The following GRIK3 variants were observed in gnomAD, a reference collection of about 807,000 sequenced individuals.
The protein encoded by GRIK3 is glutamate receptor ionotropic, kainate 3.
GRIK3 carries 29 observed loss-of-function variants against 102.5 expected under a neutral mutation model. The ratio of observed to expected loss-of-function variants is 0.28; its 90% CI spans 0.21 to 0.39. The LOEUF (loss-of-function observed/expected upper bound fraction) is 0.39, where lower values mean the gene tolerates loss of function less well. GRIK3 is among the 10% of genes least tolerant of loss of function. GRIK3 has a pLI of 1.00. For synonymous variants in GRIK3, 511 were observed against 504.9 expected, an observed-to-expected ratio of 1.01 and a Z score of -0.16; for missense variants, 908 against 1,252.4, an observed-to-expected ratio of 0.73 and a Z score of 4.15.
In GRIK3 at chr1:36,796,773, C is replaced by T. The variant is rs1039894310; in HGVS notation, c.*5078G>A. On this transcript the variant is annotated 3_prime_UTR_variant, in exon 16 of 16. Transcript: ENST00000373091. ...AGGCTTTTGCTACCTAGAATAGCCC[C>T]GCCTTCTAGGGTATCCTAGATGGAG... is the stretch of plus-strand genomic sequence containing the variant. 1 of 152,126 alleles carries T rather than the reference C, an allele frequency of 6.6e-6. No homozygotes were observed. The highest frequency in any genetic ancestry group is 1.5e-5 in the Non-Finnish European group (1 of 68,036). 9.4% of individuals were successfully genotyped at this position (152,126 alleles called of 1,614,324 possible). A position where few individuals can be genotyped will look rare whatever the true frequency, so the allele number is the denominator to read the frequency against.
At chr1:36,839,239 C>T (rs936386666) in intron 10 of GRIK3, among the ~76,000 whole-genome samples, 4 of 152,182 alleles carry the variant, frequency 2.6e-5, no homozygotes, top group African/African-American at 9.7e-5. Context: ...CCCCAGACTC[C>T]AAGCCCCACT....
intron 1 of GRIK3, among the ~76,000 whole-genome samples, chr1:37,021,402 T>C (rs570614102): frequency 3.9e-5 from 6 of 152,138 alleles, no homozygotes; most frequent in Non-Finnish European, 8.8e-5. Flanking sequence ...AAGATTACCT[T>C]GCTGGCCTGG....
intron 1 of GRIK3, among the ~76,000 whole-genome samples, chr1:36,955,536 C>T (rs1641896337): frequency 6.6e-6 from 1 of 152,186 alleles, no homozygotes; most frequent in Non-Finnish European, 1.5e-5. Flanking sequence ...TACCCCCGCC[C>T]CCGGAGAACA....
Position 36,806,098 on chromosome 1 carries a change from G to C in GRIK3, c.2314+6C>G, listed in dbSNP as rs201557007. ...CCACCCCTCCCACAGGCAGCCCCTC[G>C]CTCACCCATGGGCGTGCCGATGCCG... On this transcript the variant is annotated splice_donor_region_variant and intron_variant, in intron 14 of 15. Transcript: ENST00000373091. This position sits in a 1 kb window ranked among gnomAD's most constrained non-coding sequence, Gnocchi z 4.0. 2 of 1,603,482 alleles carry C rather than the reference G, an allele frequency of 1.2e-6. No homozygotes were observed. Among genetic ancestry groups the C allele is most frequent in the Non-Finnish European group, 1.7e-6 (2 of 1,171,494 alleles).
At chr1:36,823,088 G>C (rs967710802) in intron 11 of GRIK3, among the ~76,000 whole-genome samples, 2 of 152,124 alleles carry the variant, frequency 1.3e-5, no homozygotes, top group Non-Finnish European at 2.9e-5. Context: ...GCTGTGTCCA[G>C]ATCTCCAGCA....
chr1:36,839,952 C>T (rs1232830469), intron 10 of GRIK3, among the ~76,000 whole-genome samples: 1 of 152,190 alleles, frequency 6.6e-6, no homozygotes, highest in African/African-American at 2.4e-5. Flanking sequence ...AACCGAAGTC[C>T]CTGATGCTGT....
At chr1:36,971,994 GA>G in intron 1 of GRIK3, among the ~76,000 whole-genome samples, 1 of 152,308 alleles carries the variant, frequency 6.6e-6, no homozygotes, top group Non-Finnish European at 1.5e-5. Context: ...TCTGTTGTTA[GA>G]AATCCCCTTT....
At chr1:36,843,492 C>G (rs1462809202) in intron 9 of GRIK3, among the ~76,000 whole-genome samples, 2 of 152,198 alleles carry the variant, frequency 1.3e-5, no homozygotes. Context: ...CCCAAAATCA[C>G]ACAGGAACTG....
At chr1:36,877,693 C>T (rs530117644) in intron 3 of GRIK3, among the ~76,000 whole-genome samples, 1 of 152,282 alleles carries the variant, frequency 6.6e-6, no homozygotes, top group South Asian at 2.1e-4. Context: ...TACAGTCCAA[C>T]CTAGTTTTTG....
At chr1:36,844,469 C>A (rs147407357) in intron 9 of GRIK3, among the ~76,000 whole-genome samples, 1 of 152,170 alleles carries the variant, frequency 6.6e-6, no homozygotes, top group Non-Finnish European at 1.5e-5. Context: ...TGGGGCCTGG[C>A]GAGCAGGGTC....
chr1:37,009,074 GT>G (rs1642561338), intron 1 of GRIK3, among the ~76,000 whole-genome samples: 1 of 149,088 alleles, frequency 6.7e-6, no homozygotes, highest in African/African-American at 2.5e-5. Flanking sequence ...AAATGGAGAT[GT>G]AATAATAATA....
chr1:36,845,792 GA>G (rs1295658257), intron 9 of GRIK3, among the ~76,000 whole-genome samples: 1 of 152,208 alleles, frequency 6.6e-6, no homozygotes, highest in African/African-American at 2.4e-5. Context: ...CTCCCAGCAG[GA>G]GGGGCCTAGA....
intron 1 of GRIK3, among the ~76,000 whole-genome samples, chr1:36,910,851 G>C (rs1408698457): frequency 6.6e-6 from 1 of 152,216 alleles, no homozygotes; most frequent in East Asian, 1.9e-4. Context: ...ATTAGTTTCA[G>C]CCCCGTTCTT....
At chr1:37,002,964 A>G (rs532595640) in intron 1 of GRIK3, among the ~76,000 whole-genome samples, 2 of 151,084 alleles carry the variant, frequency 1.3e-5, no homozygotes, top group South Asian at 4.2e-4. Flanking sequence ...ACAGCCTTTC[A>G]CATAAAGCTC....
intron 1 of GRIK3, among the ~76,000 whole-genome samples, chr1:36,971,765 G>A (rs149262446): frequency 6.6e-6 from 1 of 152,268 alleles, no homozygotes; most frequent in African/African-American, 2.4e-5. Context: ...GAAGACTGCT[G>A]CCTGCCATCT....
intron 10 of GRIK3, among the ~76,000 whole-genome samples, chr1:36,833,690 G>A (rs562947832): frequency 2.0e-5 from 3 of 152,232 alleles, no homozygotes; most frequent in Non-Finnish European, 2.9e-5. Context: ...CGGGGGCAAT[G>A]GTAGTGTGTC....
chr1:36,803,970 C>T (rs1358582357), intron 15 of GRIK3, among the ~76,000 whole-genome samples: 1 of 152,174 alleles, frequency 6.6e-6, no homozygotes, highest in Non-Finnish European at 1.5e-5. Context: ...ATTGACAGGC[C>T]AAAATGTATG....
chr1:36,858,983 T>C (rs1030803590), intron 7 of GRIK3, 125 bp downstream of exon 7: 5 of 833,448 alleles, frequency 6.0e-6, no homozygotes, highest in Admixed American at 2.5e-5. Context: ...CTCGGAGACA[T>C]GAGGCAACTT....
Position 36,850,308 on chromosome 1 carries a change from T to C in GRIK3, c.1326+3A>G. The stretch of plus-strand genomic sequence containing the variant: ...CCTTCCTGCAGGGGCTGCAGGCTCT[T>C]ACCAGCACTGTGGTGACAATGAGTG... On this transcript the variant is annotated splice_donor_region_variant and intron_variant, in intron 9 of 15. Transcript: ENST00000373091. This position sits in a 1 kb window ranked among gnomAD's most constrained non-coding sequence, Gnocchi z 4.0. 6.3e-7 allele frequency: 1 copy of C among 1,588,282 alleles called. No individual in the cohort carries two copies. The highest frequency in any genetic ancestry group is 1.7e-5 in the Admixed American group (1 of 59,988).
Sources: gnomAD v4.1 joint callset for allele counts (sites outside exome capture counted in the v4.1 genomes callset) on GRCh38, gnomAD v4.1.1 for gene constraint, Gnocchi (gnomAD v3.1) non-coding constraint, MANE v1.5 for transcripts, NCBI Gene and HGNC (gene_info 2026-07-23, HGNC 2026-07-21) for gene names.